Variants in ANAPC4 observed in about 807,000 individuals in gnomAD.
ANAPC4 encodes the protein anaphase promoting complex subunit 4, also known as anaphase-promoting complex subunit 4.
Under a neutral mutation model 119.8 loss-of-function variants are expected in ANAPC4, and 63 were observed. The observed-to-expected ratio is 0.53, with a 90% confidence interval of 0.43 to 0.65. The LOEUF (loss-of-function observed/expected upper bound fraction) is 0.65. Among genes scored for constraint, ANAPC4 ranks in the 30% least tolerant of loss-of-function variants. ANAPC4 has a pLI of 0.00. For synonymous variants in ANAPC4, 283 were observed against 318.6 expected (o/e 0.89, Z 1.19); for missense variants, 716 against 945.1 (o/e 0.76, Z 3.18).
chr4:25,412,246 A>G (rs912020806), intron 21 of ANAPC4, among the ~76,000 whole-genome samples: 2 of 152,188 alleles, frequency 1.3e-5, no homozygotes, highest in African/African-American at 2.4e-5. Flanking sequence ...GCACCTGGAC[A>G]TATTCACCAC....
chr4:25,392,509 A>G, intron 10 of ANAPC4, 88 bp downstream of exon 10: 1 of 987,676 alleles, frequency 1.0e-6, no homozygotes, highest in South Asian at 1.5e-5. Context: ...TTGTTTTGTA[A>G]AGCTTTCTGA....
At chr4:25,388,682 G>A (rs1264736012) in intron 5 of ANAPC4, 35 bp from the exon 6 acceptor site, 4 of 1,582,356 alleles carry the variant, frequency 2.5e-6, no homozygotes, top group Non-Finnish European at 3.5e-6. Flanking sequence ...TTTTTACTAA[G>A]AGTATTTTTT....
chr4:25,398,723 G>A lies in ANAPC4; in HGVS notation c.1214+1824G>A, dbSNP rs1722788958. Among the ~76,000 whole-genome samples, 6 of 152,128 alleles carry A rather than the reference G, an allele frequency of 3.9e-5. No homozygotes were observed. In the South Asian group the frequency reaches 1.2e-3, roughly 32 times the overall value. On this transcript the variant is annotated intron_variant, in intron 16 of 28. Coordinates refer to ENST00000315368, the MANE Select transcript of ANAPC4 (RefSeq NM_013367.3). ...AGCTCATAGATAGGCAAGGACAGAA[G>A]CCAAGAGAGAAATGGTGGTCAGAAT...
At chr4:25,394,977 T>G (rs1722561017) in intron 14 of ANAPC4, 72 bp downstream of exon 14, 2 of 1,174,022 alleles carry the variant, frequency 1.7e-6, no homozygotes, top group African/African-American at 1.6e-5. Context: ...TTCCGCCGCC[T>G]TTTCTTCATC....
intron 3 of ANAPC4, among the ~76,000 whole-genome samples, chr4:25,381,305 C>G (rs552087498): frequency 2.6e-5 from 4 of 152,166 alleles, no homozygotes; most frequent in African/African-American, 7.2e-5. Context: ...CTTTTCCCCC[C>G]CAGACAGTGT....
At chr4:25,416,317 CACTTA>C (rs1275776287) in intron 26 of ANAPC4, 103 bp from the exon 27 acceptor site, 4 of 583,186 alleles carry the variant, frequency 6.9e-6, no homozygotes, top group Non-Finnish European at 8.3e-6. Flanking sequence ...TACAGAATGT[CACTTA>C]ACTTTTAAAT....
chr4:25,410,582 G>A (rs557175311), intron 21 of ANAPC4, among the ~76,000 whole-genome samples: 10 of 152,264 alleles, frequency 6.6e-5, no homozygotes, highest in African/African-American at 1.9e-4. Context: ...TAGTGATGGA[G>A]CTAGGATTCT....
chr4:25,390,330 A>G lies in ANAPC4; in HGVS notation c.600+110A>G, dbSNP rs181377202. The G allele has an allele frequency of 1.1e-4, 73 of 689,244 alleles. No individual in the cohort carries two copies. In the African/African-American group the frequency reaches 1.3e-3, roughly 12 times the overall value. 42.7% of individuals were successfully genotyped at this position (689,244 alleles called of 1,614,324 possible). ...GTTTTTTTTCAGTTTCGATTTTTGGAATTATTCTTAAATGTTCAGAGACTA... is the reference window on the plus strand; with the variant it reads ...GTTTTTTTTCAGTTTCGATTTTTGGGATTATTCTTAAATGTTCAGAGACTA... On this transcript the variant is annotated intron_variant, in intron 8 of 28. Coordinates refer to ENST00000315368, the MANE Select transcript of ANAPC4 (RefSeq NM_013367.3).
chr4:25,389,403 C>T (rs1235022523), intron 7 of ANAPC4, among the ~76,000 whole-genome samples: 3 of 152,094 alleles, frequency 2.0e-5, no homozygotes, highest in African/African-American at 7.2e-5. Flanking sequence ...GTGATCCACC[C>T]GCCTTAGCCT....
chr4:25,409,309 C>T (rs961922502), intron 20 of ANAPC4, among the ~76,000 whole-genome samples: 2 of 152,164 alleles, frequency 1.3e-5, no homozygotes, highest in Admixed American at 6.5e-5. Context: ...AATTTAAGTT[C>T]GATTTGTGAT....
intron 21 of ANAPC4, 56 bp from the exon 22 acceptor site, chr4:25,413,589 A>G (rs1031853967): frequency 9.4e-6 from 13 of 1,377,172 alleles, no homozygotes; most frequent in African/African-American, 1.5e-5. Context: ...TTTTCTTCTA[A>G]TTATAAGTTT....
chr4:25,377,683 G>A, intron 2 of ANAPC4, 127 bp downstream of exon 2: 1 of 1,370,930 alleles, frequency 7.3e-7, no homozygotes, highest in Non-Finnish European at 9.7e-7. Flanking sequence ...TGCAGACATG[G>A]CTGGCCACCT....
At chr4:25,393,750 T>A (rs1560435759) in intron 10 of ANAPC4, 55 bp from the exon 11 acceptor site, 1 of 1,074,326 alleles carries the variant, frequency 9.3e-7, no homozygotes. Flanking sequence ...ATTATTTAGA[T>A]AGCAAGTTGG....
At chr4:25,404,062 T>C (rs1723123281) in intron 17 of ANAPC4, among the ~76,000 whole-genome samples, 1 of 152,218 alleles carries the variant, frequency 6.6e-6, no homozygotes, top group South Asian at 2.1e-4. Context: ...TCACACTTGT[T>C]GAAACTCTAA....
Position 25,416,580 on chromosome 4 carries a change from C to G in ANAPC4, c.2057C>G (p.Thr686Ser). Residue 686 changes from threonine to serine, a missense_variant, in exon 27 of 29, where the codon ACT becomes AGT. Thr to Ser is a moderately conservative substitution (Grantham distance 58). Coordinates refer to ENST00000315368, the MANE Select transcript of ANAPC4 (RefSeq NM_013367.3). ...GAAGATTCTGCAGAATATCAGTTCA[C>G]TGGGACTTATTCTACAAGGTAACTA... ...NSEDSAEYQFTGTYSTRLDEQ... is the reference protein window; with the variant it reads ...NSEDSAEYQFSGTYSTRLDEQ... The G allele has an allele frequency of 1.3e-6, 2 of 1,554,186 alleles. No homozygotes were observed.
At chr4:25,378,949 T>A (rs59556126) in intron 2 of ANAPC4, among the ~76,000 whole-genome samples, 1,960 of 152,252 alleles carry the variant, frequency 0.013, 40 homozygotes, top group African/African-American at 0.043. Flanking sequence ...AGTGATTGTG[T>A]TTCTGAACTT....
intron 10 of ANAPC4, 36 bp from the exon 11 acceptor site, chr4:25,393,769 T>C (rs1345419416): frequency 7.1e-7 from 1 of 1,406,618 alleles, no homozygotes. Context: ...GGTTTAAATA[T>C]TTTTTACCAT....
intron 10 of ANAPC4, among the ~76,000 whole-genome samples, chr4:25,392,734 C>T (rs1722419499): frequency 6.6e-6 from 1 of 152,004 alleles, no homozygotes; most frequent in Non-Finnish European, 1.5e-5. Context: ...CATAATAAAC[C>T]CACCCCAAAT....
chr4:25,392,200 G>A, intron 9 of ANAPC4, 138 bp from the exon 10 acceptor site: 3 of 628,764 alleles, frequency 4.8e-6, no homozygotes, highest in Non-Finnish European at 8.6e-6. Context: ...GCTATGTGCT[G>A]TTTCCAAACC....
Sources: gnomAD v4.1 joint callset for allele counts (sites outside exome capture counted in the v4.1 genomes callset) on GRCh38, gnomAD v4.1.1 for gene constraint, MANE v1.5 for transcripts, NCBI Gene and HGNC (gene_info 2026-07-23, HGNC 2026-07-21) for gene names.